The following TENM3 variants were observed in gnomAD, a reference collection of about 807,000 sequenced individuals.
The protein encoded by TENM3 is teneurin-3.
In TENM3, 63 loss-of-function variants were observed where a neutral mutation model predicts 255.1. The observed-to-expected ratio is 0.25, with a 90% confidence interval of 0.20 to 0.30. TENM3 has a LOEUF of 0.30. Ranked by LOEUF, TENM3 falls within the 10% of genes least tolerant of loss-of-function variation. The pLI is 1.00. For missense variants in TENM3, 2,929 were observed against 3,461.1 expected (o/e 0.85, Z 3.86); for synonymous variants, 1,306 against 1,322.3 (o/e 0.99, Z 0.27).
chr4:181,832,782 T>C, the TENM3 span, among the ~76,000 whole-genome samples: 2 of 152,194 alleles, frequency 1.3e-5, no homozygotes, highest in African/African-American at 4.8e-5. Flanking sequence ...GGTCGAGGAT[T>C]AGCAGGAACG....
the TENM3 span, among the ~76,000 whole-genome samples, chr4:181,715,205 C>A: frequency 2.6e-5 from 4 of 152,166 alleles, no homozygotes; most frequent in African/African-American, 9.7e-5. Context: ...GTCACCTCAG[C>A]AGTAGAGAAG....
intron 1 of TENM3, among the ~76,000 whole-genome samples, chr4:182,316,515 A>G (rs546987017): frequency 1.3e-5 from 2 of 152,190 alleles, no homozygotes; most frequent in South Asian, 4.1e-4. Context: ...TTTGATTGTC[A>G]TGACTGGGGC....
chr4:181,528,448 G>A, the TENM3 span, among the ~76,000 whole-genome samples: 3 of 152,154 alleles, frequency 2.0e-5, no homozygotes, highest in Non-Finnish European at 4.4e-5. Flanking sequence ...TAAGAATTAC[G>A]ACCTTCTCTT....
chr4:182,356,717 T>C (rs953406445), intron 3 of TENM3, among the ~76,000 whole-genome samples: 6 of 152,000 alleles, frequency 3.9e-5, no homozygotes, highest in Non-Finnish European at 2.9e-5. Context: ...AAAATTATTA[T>C]TTTTTTATTA....
At chr4:182,056,383 C>T in the TENM3 span, among the ~76,000 whole-genome samples, 1 of 152,272 alleles carries the variant, frequency 6.6e-6, no homozygotes, top group African/African-American at 2.4e-5. Flanking sequence ...CTGTTATTTT[C>T]CTTGCTGTTT....
Position 182,720,639 on chromosome 4 carries a change from A to G in TENM3, c.2368+6406A>G, listed in dbSNP as rs892508367. Among the ~76,000 whole-genome samples the G allele has an allele frequency of 1.8e-4, 28 of 152,312 alleles. No homozygotes were observed. In the East Asian group the frequency reaches 4.4e-3, roughly 24 times the overall value. On this transcript the variant is annotated intron_variant, in intron 13 of 27. Transcript: ENST00000511685. ...GAAGAACATCCAGCTTGTGCCCTAT[A>G]AAGCAGAGGACTTCAGTAGCTTCCT...
At chr4:181,492,691 G>C in the TENM3 span, among the ~76,000 whole-genome samples, 1 of 152,026 alleles carries the variant, frequency 6.6e-6, no homozygotes, top group South Asian at 2.1e-4. Flanking sequence ...CAGCTAAACT[G>C]TGTTGCAAAA....
At chr4:182,022,183 A>AT in the TENM3 span, among the ~76,000 whole-genome samples, 1 of 152,112 alleles carries the variant, frequency 6.6e-6, no homozygotes, top group African/African-American at 2.4e-5. Flanking sequence ...AAAAAAAAAA[A>AT]ATGTGGTACA....
chr4:182,204,856 A>G (rs1754444813), intron 1 of TENM3, among the ~76,000 whole-genome samples: 3 of 152,338 alleles, frequency 2.0e-5, no homozygotes, highest in South Asian at 4.1e-4. Context: ...ACAAATGTAT[A>G]TGTTTGCCTA....
At chr4:181,979,785 T>C in the TENM3 span, among the ~76,000 whole-genome samples, 3 of 152,246 alleles carry the variant, frequency 2.0e-5, no homozygotes, top group Non-Finnish European at 4.4e-5. Context: ...CTCAACGTCA[T>C]ACAGCTAGAC....
chr4:181,468,757 T>G, the TENM3 span, among the ~76,000 whole-genome samples: 1 of 152,216 alleles, frequency 6.6e-6, no homozygotes, highest in African/African-American at 2.4e-5. Flanking sequence ...CAATCTAAAC[T>G]TCAGCTTTTT....
chr4:182,182,811 C>T (rs569699616), intron 1 of TENM3, among the ~76,000 whole-genome samples: 2 of 152,298 alleles, frequency 1.3e-5, no homozygotes, highest in African/African-American at 4.8e-5. Context: ...ACCTACAAGG[C>T]ACATTGTTAG....
At chr4:181,731,677 A>C in the TENM3 span, among the ~76,000 whole-genome samples, 1 of 152,200 alleles carries the variant, frequency 6.6e-6, no homozygotes, top group Non-Finnish European at 1.5e-5. Context: ...TTTAAATTAA[A>C]TGTGTTGAAT....
rs1308602530 is a variant in TENM3 at position 182,796,696 on chromosome 4, C to A, written c.7273C>A (p.Pro2425Thr). 3 of 1,612,834 alleles carry A rather than the reference C, an allele frequency of 1.9e-6. No homozygotes were observed. The highest frequency in any genetic ancestry group is 2.2e-5 in the East Asian group (1 of 44,876). The change falls in exon 27 of 28, where the codon CCT (proline) becomes ACT (threonine). Residue 2425 changes from proline (P) to threonine (T), a missense_variant. Transcript: ENST00000511685. ...FHLHNAIPGF[P>T]VPKFDLTEPS... ...TCTGCACAATGCTATTCCTGGATTCCCTGTTCCCAAATTTGATTTAACAGA... is the reference window on the plus strand; with the variant it reads ...TCTGCACAATGCTATTCCTGGATTCACTGTTCCCAAATTTGATTTAACAGA...
the TENM3 span, among the ~76,000 whole-genome samples, chr4:182,052,359 T>C: frequency 1.3e-5 from 2 of 151,956 alleles, no homozygotes; most frequent in South Asian, 4.1e-4. Flanking sequence ...ACGGTAAACA[T>C]GGAACTCAGG....
At chr4:181,990,797 G>A in the TENM3 span, among the ~76,000 whole-genome samples, 5 of 152,074 alleles carry the variant, frequency 3.3e-5, no homozygotes, top group Admixed American at 2.0e-4. Flanking sequence ...ATTAAACCCC[G>A]GAACTCCTAA....
chr4:182,460,964 A>G (rs888872371), intron 3 of TENM3, among the ~76,000 whole-genome samples: 3 of 152,186 alleles, frequency 2.0e-5, no homozygotes, highest in Non-Finnish European at 4.4e-5. Flanking sequence ...AAAACCTACT[A>G]TTTGCTACCT....
chr4:182,529,724 G>A (rs1739583530), intron 3 of TENM3, among the ~76,000 whole-genome samples: 1 of 151,944 alleles, frequency 6.6e-6, no homozygotes, highest in South Asian at 2.1e-4. Flanking sequence ...ACAAATATTT[G>A]TTCAACACCA....
the TENM3 span, among the ~76,000 whole-genome samples, chr4:181,782,280 G>C: frequency 1.6e-4 from 25 of 152,132 alleles, no homozygotes; most frequent in Non-Finnish European, 3.4e-4. Flanking sequence ...GGCTATTAAC[G>C]ATTGCCTCCA....
Sources: allele counts gnomAD v4.1 joint callset (sites outside exome capture counted in the v4.1 genomes callset), GRCh38; gene constraint gnomAD v4.1.1; transcripts MANE v1.5; gene names NCBI Gene and HGNC (gene_info 2026-07-23, HGNC 2026-07-21).